The following NELL1 variants were observed in gnomAD, a reference collection of about 807,000 sequenced individuals.
The protein encoded by NELL1 is protein kinase C-binding protein NELL1.
A neutral mutation model predicts 107.4 loss-of-function variants in NELL1; 76 were observed. The ratio of observed to expected loss-of-function variants is 0.71; its 90% CI spans 0.59 to 0.86. NELL1 has a LOEUF of 0.86. Among genes scored for constraint, NELL1 ranks in the 40% least tolerant of loss-of-function variants. The probability of loss-of-function intolerance (pLI) is 0.00; values close to 1 mark genes in which losing one functional copy is unlikely to be tolerated. For missense variants in NELL1, 1,024 were observed against 1,005.5 expected (o/e 1.02, Z -0.25); for synonymous variants, 353 against 341.2 (o/e 1.03, Z -0.38).
intron 12 of NELL1, among the ~76,000 whole-genome samples, chr11:21,084,272 G>A (rs1854337491): frequency 6.6e-6 from 1 of 152,270 alleles, no homozygotes; most frequent in Admixed American, 6.5e-5. Flanking sequence ...GTTTATGTAT[G>A]CATCATCTCC....
At chr11:21,278,794 A>G (rs964137099) in intron 14 of NELL1, among the ~76,000 whole-genome samples, 4 of 152,174 alleles carry the variant, frequency 2.6e-5, no homozygotes, top group African/African-American at 7.2e-5. Flanking sequence ...TCCAAAGTTT[A>G]TATGGACAGA....
chr11:20,728,088 G>A (rs1590238715), intron 2 of NELL1, among the ~76,000 whole-genome samples: 1 of 151,990 alleles, frequency 6.6e-6, no homozygotes, highest in Non-Finnish European at 1.5e-5. Flanking sequence ...ATGTTTGTTG[G>A]CCGTTTCTAT....
At chr11:21,183,302 C>T (rs1427680740) in intron 13 of NELL1, among the ~76,000 whole-genome samples, 2 of 151,878 alleles carry the variant, frequency 1.3e-5, no homozygotes, top group Non-Finnish European at 2.9e-5. Context: ...GTGCAAGGCA[C>T]ATAGGAGGTG....
intron 13 of NELL1, among the ~76,000 whole-genome samples, chr11:21,144,690 G>A (rs1450922642): frequency 1.3e-5 from 2 of 152,146 alleles, no homozygotes; most frequent in African/African-American, 4.8e-5. Context: ...AGCGTGATAG[G>A]AAATGAAGGT....
At chr11:20,902,478 G>A (rs1849897613) in intron 5 of NELL1, among the ~76,000 whole-genome samples, 1 of 152,092 alleles carries the variant, frequency 6.6e-6, no homozygotes, top group African/African-American at 2.4e-5. Flanking sequence ...ACAATGCTAT[G>A]TGTAGGGGAA....
At chr11:20,915,715 ATATT>A (rs1306682853) in intron 5 of NELL1, among the ~76,000 whole-genome samples, 7 of 58,948 alleles carry the variant, frequency 1.2e-4, no homozygotes, top group East Asian at 5.9e-4. Flanking sequence ...ATATATATAT[ATATT>A]TTTTTTTTTT....
At chr11:21,279,935 C>A (rs188049081) in intron 14 of NELL1, among the ~76,000 whole-genome samples, 50 of 152,256 alleles carry the variant, frequency 3.3e-4, no homozygotes, top group Middle Eastern at 3.4e-3. Flanking sequence ...AACGTAAATG[C>A]ACAATACTAG....
intron 13 of NELL1, among the ~76,000 whole-genome samples, chr11:21,149,033 T>C (rs1856051148): frequency 6.6e-6 from 1 of 152,064 alleles, no homozygotes; most frequent in African/African-American, 2.4e-5. Flanking sequence ...TCAGGGAAAA[T>C]TATAGGTTTT....
intron 13 of NELL1, among the ~76,000 whole-genome samples, chr11:21,218,126 C>G (rs912773818): frequency 6.6e-6 from 1 of 152,020 alleles, no homozygotes; most frequent in African/African-American, 2.4e-5. Context: ...TATACTATAG[C>G]CAAACTTAGG....
intron 7 of NELL1, among the ~76,000 whole-genome samples, chr11:20,920,633 T>C (rs941231323): frequency 1.7e-4 from 26 of 152,088 alleles, no homozygotes; most frequent in Non-Finnish European, 1.5e-5. Context: ...ATACTGTTAA[T>C]TATATTTTAG....
intron 5 of NELL1, among the ~76,000 whole-genome samples, chr11:20,901,749 T>C (rs1005066812): frequency 6.6e-6 from 1 of 152,088 alleles, no homozygotes; most frequent in Non-Finnish European, 1.5e-5. Flanking sequence ...AATCAGCACA[T>C]GAACCAAGAG....
chr11:20,886,140 A>C (rs1849503455), intron 5 of NELL1, among the ~76,000 whole-genome samples: 1 of 151,976 alleles, frequency 6.6e-6, no homozygotes, highest in South Asian at 2.1e-4. Context: ...GGGCTGAAAA[A>C]CTATTTGGTA....
intron 19 of NELL1, 29 bp downstream of exon 19, chr11:21,573,438 C>T (rs370913594): frequency 1.3e-6 from 2 of 1,590,422 alleles, no homozygotes; most frequent in African/African-American, 1.3e-5. Context: ...GATATTGAAG[C>T]CTTGAACAAT....
In NELL1 at chr11:21,330,883, T is replaced by C. The variant is rs187657631; in HGVS notation, c.1550-39970T>C. 6.4e-3 allele frequency among the ~76,000 whole-genome samples: 980 copies of C among 152,210 alleles called. 10 individuals carry two copies. The highest frequency in any genetic ancestry group is 0.022 in the African/African-American group (906 of 41,548). ...GGTACAATTAATGGTGGTCTTCATA[T>C]CTCTGAAACTTTTAAAATTTTTCTT... On this transcript the variant is annotated intron_variant, in intron 14 of 19. Transcript: ENST00000357134.
intron 2 of NELL1, among the ~76,000 whole-genome samples, chr11:20,710,106 G>A (rs193023129): frequency 6.6e-6 from 1 of 152,158 alleles, no homozygotes; most frequent in Admixed American, 6.5e-5. Context: ...AGTGGTGAAA[G>A]TGAATATCCT....
chr11:20,684,311 C>A (rs978495125), intron 2 of NELL1, among the ~76,000 whole-genome samples: 5 of 151,848 alleles, frequency 3.3e-5, no homozygotes, highest in Admixed American at 6.6e-5. Flanking sequence ...AAACATTATT[C>A]TTTTTTCTCT....
intron 15 of NELL1, among the ~76,000 whole-genome samples, chr11:21,372,365 G>A (rs753581986): frequency 7.6e-4 from 115 of 151,870 alleles, no homozygotes; most frequent in Non-Finnish European, 1.4e-3. Context: ...AATTAATGGG[G>A]AAAGAATGGT....
intron 14 of NELL1, among the ~76,000 whole-genome samples, chr11:21,250,489 G>A (rs1858609968): frequency 6.6e-6 from 1 of 152,092 alleles, no homozygotes; most frequent in Non-Finnish European, 1.5e-5. Context: ...TCTTCAGAAT[G>A]GTGTTTTGAT....
rs187777972 is a variant in NELL1, at chr11:20,981,228, A to G, written c.1300+20668A>G. ...AAGGATGCCAGACAGAAGGAAAGGC[A>G]TATGTATTTTGACAACTTTATTTAT... On this transcript the variant is annotated intron_variant, in intron 12 of 19. Coordinates refer to ENST00000357134, the MANE Select transcript of NELL1 (RefSeq NM_006157.5). 5.5e-3 allele frequency among the ~76,000 whole-genome samples: 836 copies of G among 152,332 alleles called. 1 individual carries two copies. Among genetic ancestry groups the G allele is most frequent in the Non-Finnish European group, 7.4e-3 (503 of 68,032 alleles).
Sources: gnomAD v4.1 joint callset for allele counts (sites outside exome capture counted in the v4.1 genomes callset) on GRCh38, gnomAD v4.1.1 for gene constraint, MANE v1.5 for transcripts, NCBI Gene and HGNC (gene_info 2026-07-23, HGNC 2026-07-21) for gene names.